The following RICTOR variants were observed in gnomAD, a reference collection of about 807,000 sequenced individuals.
RICTOR encodes the protein rapamycin-insensitive companion of mTOR.
Under a neutral mutation model 214.9 loss-of-function variants are expected in RICTOR, and 49 were observed. The observed-to-expected ratio is 0.23, with a 90% CI of 0.18 to 0.29. The LOEUF is 0.29. Ranked by LOEUF, RICTOR falls within the 10% of genes least tolerant of loss-of-function variation. RICTOR has a pLI of 1.00. For synonymous variants in RICTOR, 717 were observed against 711.3 expected, an observed-to-expected ratio of 1.01 and a Z score of -0.13; for missense variants, 1,625 against 2,047.0, an observed-to-expected ratio of 0.79 and a Z score of 3.98.
intron 30 of RICTOR, among the ~76,000 whole-genome samples, chr5:38,951,112 A>C (rs1748748259): frequency 1.3e-5 from 2 of 151,970 alleles, no homozygotes; most frequent in African/African-American, 4.8e-5. Context: ...TACTATAAGC[A>C]GGAGAAATTC....
At chr5:38,976,355 A>G (rs935050099) in intron 9 of RICTOR, among the ~76,000 whole-genome samples, 1 of 151,704 alleles carries the variant, frequency 6.6e-6, no homozygotes, top group African/African-American at 2.4e-5. Flanking sequence ...GGTTGTGAGC[A>G]TACAAAAAAA....
At chr5:39,019,774 T>C (rs554039330) in intron 3 of RICTOR, among the ~76,000 whole-genome samples, 4 of 152,308 alleles carry the variant, frequency 2.6e-5, no homozygotes, top group African/African-American at 9.6e-5. Flanking sequence ...GATTTTCAAG[T>C]TTTATTTTAA....
intron 7 of RICTOR, among the ~76,000 whole-genome samples, chr5:38,990,537 G>GAT (rs1333817100): frequency 1.4e-5 from 2 of 145,488 alleles, no homozygotes; most frequent in South Asian, 2.1e-4. Context: ...ATATATATAC[G>GAT]ATATATACAC....
At chr5:39,040,483 A>C (rs1757088515) in intron 2 of RICTOR, among the ~76,000 whole-genome samples, 1 of 152,148 alleles carries the variant, frequency 6.6e-6, no homozygotes. Context: ...AAAATTAAAA[A>C]AGTTGTATAA....
chr5:38,993,506 C>T (rs1474213246), intron 6 of RICTOR, among the ~76,000 whole-genome samples: 1 of 151,926 alleles, frequency 6.6e-6, no homozygotes, highest in Non-Finnish European at 1.5e-5. Context: ...AAAAAGCAGA[C>T]AGAACATTTC....
chr5:38,960,027 T>G (rs754339526), intron 20 of RICTOR, 49 bp from the exon 21 acceptor site: 1 of 1,293,220 alleles, frequency 7.7e-7, no homozygotes. Context: ...TCAAAATCTG[T>G]AATTAGAAAA....
chr5:39,034,605 T>C (rs1317644016), intron 2 of RICTOR, among the ~76,000 whole-genome samples: 1 of 152,154 alleles, frequency 6.6e-6, no homozygotes, highest in Non-Finnish European at 1.5e-5. Context: ...GAAAATCGGG[T>C]CACTCACACC....
chr5:39,035,468 C>T (rs534689537), intron 2 of RICTOR, among the ~76,000 whole-genome samples: 22 of 152,214 alleles, frequency 1.4e-4, no homozygotes, highest in Admixed American at 5.9e-4. Context: ...CAAAGCTGGA[C>T]GGAGAATGAC....
At chr5:38,975,724 T>TGA in intron 9 of RICTOR, 120 bp from the exon 10 acceptor site, 1 of 509,422 alleles carries the variant, frequency 2.0e-6, no homozygotes, top group Non-Finnish European at 3.2e-6. Flanking sequence ...ACACATAAAA[T>TGA]TAAAACAAGA....
chr5:38,990,628 TATATATCTGACATATATCAGATATATG>T (rs1752576252), intron 7 of RICTOR, among the ~76,000 whole-genome samples: 1 of 95,660 alleles, frequency 1.0e-5, no homozygotes, highest in African/African-American at 4.0e-5. Flanking sequence ...ATATATGATA[TATATATCTGACATATATCAGATATATG>T]ATATATATCA....
chr5:39,063,867 C>T (rs1449893405), intron 2 of RICTOR, among the ~76,000 whole-genome samples: 1 of 151,548 alleles, frequency 6.6e-6, no homozygotes, highest in Non-Finnish European at 1.5e-5. Context: ...TTGAAGGACG[C>T]AGATTCTTGA....
chr5:39,055,867 A>C (rs1423074887), intron 2 of RICTOR, among the ~76,000 whole-genome samples: 1 of 152,194 alleles, frequency 6.6e-6, no homozygotes, highest in African/African-American at 2.4e-5. Flanking sequence ...GGCCTGAATA[A>C]AGGCATGGCA....
chr5:39,027,791 T>C (rs375852585), intron 2 of RICTOR, among the ~76,000 whole-genome samples: 10 of 152,310 alleles, frequency 6.6e-5, no homozygotes, highest in East Asian at 1.9e-4. Flanking sequence ...CAGTCTTAAT[T>C]AGTATAAAGT....
At chr5:39,034,222 T>C (rs772358900) in intron 2 of RICTOR, among the ~76,000 whole-genome samples, 1 of 152,236 alleles carries the variant, frequency 6.6e-6, no homozygotes, top group East Asian at 1.9e-4. Flanking sequence ...ACTGTAACTG[T>C]CAAATATAGA....
chr5:38,993,973 G>A (rs978931052), intron 6 of RICTOR, among the ~76,000 whole-genome samples: 1 of 152,148 alleles, frequency 6.6e-6, no homozygotes, highest in Non-Finnish European at 1.5e-5. Flanking sequence ...ACGAACTCAG[G>A]AGATCAAGAC....
At chr5:38,982,059 A>G in intron 7 of RICTOR, 23 bp from the exon 8 acceptor site, 1 of 1,552,910 alleles carries the variant, frequency 6.4e-7, no homozygotes, top group Non-Finnish European at 8.8e-7. Flanking sequence ...AACTTAACAT[A>G]TTATATTTGG....
rs1333293728 is a variant in RICTOR, at chr5:38,942,107, T to TC, written c.*196dup. On this transcript the variant is annotated 3_prime_UTR_variant, in exon 38 of 38. Transcript: ENST00000357387. ...ATGAATCATGAACCCCTCAAAAGGC[T>TC]CAACAAAGGAGAGAAGGAAGTTGTT... The TC allele has an allele frequency of 4.9e-6, 2 of 405,986 alleles. No individual in the cohort carries two copies. Among genetic ancestry groups the TC allele is most frequent in the Non-Finnish European group, 9.0e-6 (2 of 222,762 alleles). The allele number at this position is 405,986 out of a possible 1,614,324, so 25.1% of individuals were successfully genotyped here.
chr5:38,989,693 A>G (rs956643078), intron 7 of RICTOR, among the ~76,000 whole-genome samples: 1 of 152,234 alleles, frequency 6.6e-6, no homozygotes, highest in African/African-American at 2.4e-5. Flanking sequence ...GGCAAAGGAT[A>G]TGAACAGACA....
intron 8 of RICTOR, 152 bp downstream of exon 8, chr5:38,981,715 A>C: frequency 1.9e-6 from 1 of 521,360 alleles, no homozygotes; most frequent in Non-Finnish European, 3.3e-6. Context: ...AAACTGAATG[A>C]TCTGTAAAAC....
Sources: allele counts gnomAD v4.1 joint callset (sites outside exome capture counted in the v4.1 genomes callset), GRCh38; gene constraint gnomAD v4.1.1; transcripts MANE v1.5; gene names NCBI Gene and HGNC (gene_info 2026-07-23, HGNC 2026-07-21).